Variants in SORCS2 observed in about 807,000 individuals in gnomAD.
The protein encoded by SORCS2 is sortilin related VPS10 domain containing receptor 2, also known as VPS10 domain-containing receptor SorCS2.
In SORCS2, 100 loss-of-function variants were observed where a neutral mutation model predicts 141.6. That is an observed-to-expected ratio of 0.71 (90% confidence interval 0.60 to 0.83). SORCS2 has a LOEUF of 0.83. Ranked by LOEUF, SORCS2 falls within the 40% of genes least tolerant of loss-of-function variation. SORCS2 has a pLI of 0.00. For synonymous variants in SORCS2, 789 were observed against 676.9 expected (o/e 1.17, Z -2.57); for missense variants, 1,646 against 1,560.2 (o/e 1.05, Z -0.93).
Position 7,728,370 on chromosome 4 carries a change from C to T in SORCS2, c.2890C>T (p.Leu964=), listed in dbSNP as rs760890142. ...TCCAGATCAATTTCAAGTCATGCCTCTGCAGTTTTCCAAGGAGCTGGATGC... is the reference window on the plus strand; with the variant it reads ...TCCAGATCAATTTCAAGTCATGCCTTTGCAGTTTTCCAAGGAGCTGGATGC... ...RVLDQFQVMP[L]QFSKELDAYN... is the part of the protein sequence containing the mutation. Residue 964 remains leucine (L), a synonymous_variant, in exon 22 of 27, where the codon CTG becomes TTG. Coordinates refer to ENST00000507866, the MANE Select transcript of SORCS2 (RefSeq NM_020777.3). The T allele has an allele frequency of 3.7e-6, 6 of 1,613,728 alleles. No homozygotes were observed. Among genetic ancestry groups the T allele is most frequent in the East Asian group, 2.2e-5 (1 of 44,886 alleles).
intron 1 of SORCS2, among the ~76,000 whole-genome samples, chr4:7,395,879 C>T (rs1043320744): frequency 2.0e-5 from 3 of 152,168 alleles, no homozygotes; most frequent in African/African-American, 4.8e-5. Flanking sequence ...GATCCTCTAA[C>T]GCGCTGGTGG....
intron 3 of SORCS2, among the ~76,000 whole-genome samples, chr4:7,597,254 TA>T (rs1276874309): frequency 2.9e-5 from 4 of 136,320 alleles, no homozygotes; most frequent in Non-Finnish European, 6.3e-5. Flanking sequence ...GGCTACGCAA[TA>T]GGGGGAGGGA....
At chr4:7,499,891 G>A (rs1353240978) in intron 2 of SORCS2, among the ~76,000 whole-genome samples, 1 of 152,152 alleles carries the variant, frequency 6.6e-6, no homozygotes, top group Non-Finnish European at 1.5e-5. Flanking sequence ...GAGAAGGGCC[G>A]TGAGGAGGAG....
intron 11 of SORCS2, among the ~76,000 whole-genome samples, chr4:7,694,156 GA>G (rs1402318338): frequency 6.6e-6 from 1 of 152,218 alleles, no homozygotes; most frequent in African/African-American, 2.4e-5. Flanking sequence ...GGATGGAGAG[GA>G]AGCATGTCTT....
intron 1 of SORCS2, among the ~76,000 whole-genome samples, chr4:7,285,397 A>G (rs894530253): frequency 7.9e-5 from 12 of 152,236 alleles, no homozygotes; most frequent in Non-Finnish European, 1.6e-4. Context: ...ATAAGGCCAC[A>G]TGGCAGAGTG....
Position 7,213,052 on chromosome 4 carries a change from AGCCACTGCCATTCATGTGGCAGG to A in SORCS2, c.480+19932_480+19954del, listed in dbSNP as rs1381140802. Among the ~76,000 whole-genome samples, 41 of 152,354 alleles carry A rather than the reference AGCCACTGCCATTCATGTGGCAGG, an allele frequency of 2.7e-4. 1 individual carries two copies. The South Asian group carries it at 8.5e-3, about 32-fold the overall frequency. ...TGACTTCTACTGGAAAAGGTGGCAG[AGCCACTGCCATTCATGTGGCAGG>A]GCCACACCCATCCCCTCCTTCTGCT... On this transcript the variant is annotated intron_variant, in intron 1 of 26. Coordinates refer to ENST00000507866, the MANE Select transcript of SORCS2 (RefSeq NM_020777.3).
intron 1 of SORCS2, among the ~76,000 whole-genome samples, chr4:7,380,693 A>G (rs1217002526): frequency 2.0e-5 from 3 of 152,262 alleles, no homozygotes; most frequent in East Asian, 1.9e-4. Context: ...TGTCTTCTGC[A>G]AGCTATTGCT....
At chr4:7,396,132 G>A (rs1724194085) in intron 1 of SORCS2, 156 bp from the exon 2 acceptor site, 2 of 613,488 alleles carry the variant, frequency 3.3e-6, no homozygotes, top group South Asian at 4.2e-5. Flanking sequence ...CATGTAGGGT[G>A]GCCCAGAGCC....
chr4:7,380,376 A>C (rs1003294701), intron 1 of SORCS2, among the ~76,000 whole-genome samples: 1 of 152,222 alleles, frequency 6.6e-6, no homozygotes, highest in Non-Finnish European at 1.5e-5. Flanking sequence ...GTTTCCTGCC[A>C]TGTTGGAATT....
At chr4:7,203,592 C>T (rs1225459447) in intron 1 of SORCS2, among the ~76,000 whole-genome samples, 1 of 148,596 alleles carries the variant, frequency 6.7e-6, no homozygotes, top group Non-Finnish European at 1.5e-5. Flanking sequence ...CTGGCCTGGG[C>T]GACAGAGCAA....
At chr4:7,262,844 C>T (rs1014810920) in intron 1 of SORCS2, among the ~76,000 whole-genome samples, 5 of 152,170 alleles carry the variant, frequency 3.3e-5, no homozygotes, top group African/African-American at 1.2e-4. Context: ...TAGGCTGTGT[C>T]TGGTGAAGGT....
At chr4:7,219,982 T>G (rs1373824521) in intron 1 of SORCS2, among the ~76,000 whole-genome samples, 1 of 152,202 alleles carries the variant, frequency 6.6e-6, no homozygotes, top group Non-Finnish European at 1.5e-5. Flanking sequence ...GTTTGCTGGA[T>G]TTAAGAGGCC....
At chr4:7,717,965 C>G (rs767222301) in intron 17 of SORCS2, 47 bp from the exon 18 acceptor site, 6 of 1,525,420 alleles carry the variant, frequency 3.9e-6, no homozygotes, top group Non-Finnish European at 5.3e-6. Flanking sequence ...GGCCCCATCC[C>G]TTGCCACCTG....
intron 25 of SORCS2, 47 bp downstream of exon 25, chr4:7,734,421 C>CTGGCTTCCTACGGCCCCAT: frequency 7.5e-7 from 1 of 1,336,070 alleles, no homozygotes; most frequent in Non-Finnish European, 1.0e-6. Context: ...ACCATGGGGC[C>CTGGCTTCCTACGGCCCCAT]GTAGGAAGCC....
chr4:7,277,727 G>A (rs2108853203), intron 1 of SORCS2, among the ~76,000 whole-genome samples: 1 of 152,298 alleles, frequency 6.6e-6, no homozygotes, highest in South Asian at 2.1e-4. Context: ...GTCAGCCTCT[G>A]GAGGGCCCAT....
intron 14 of SORCS2, among the ~76,000 whole-genome samples, chr4:7,712,144 G>A (rs1408763529): frequency 2.0e-5 from 3 of 152,174 alleles, no homozygotes; most frequent in Admixed American, 1.3e-4. Flanking sequence ...CCTAGGCTGC[G>A]ACGGGCCAAC....
intron 14 of SORCS2, among the ~76,000 whole-genome samples, chr4:7,706,889 G>A (rs1224418237): frequency 1.3e-5 from 2 of 152,186 alleles, no homozygotes; most frequent in African/African-American, 4.8e-5. Context: ...TTGGGCAGAC[G>A]CAACCCCTGA....
At position 7,286,044 on chromosome 4, in the gene SORCS2, G is replaced by A. The variant is rs1716200990; in HGVS notation, c.480+92918G>A. Among the ~76,000 whole-genome samples, 1 of 152,182 alleles carries A rather than the reference G, an allele frequency of 6.6e-6. No homozygotes were observed. Among genetic ancestry groups the A allele is most frequent in the Non-Finnish European group, 1.5e-5 (1 of 68,024 alleles). On this transcript the variant is annotated intron_variant, in intron 1 of 26. Transcript: ENST00000507866. The surrounding 1 kb of genome is among the most constrained non-coding windows in gnomAD (Gnocchi z 4.1). ...CCGAGAGCCAGCTGCCCCGCCGGGG[G>A]CTCCCTGCCTGCCTCCCATCCATCT...
chr4:7,330,642 A>C (rs1245470356), intron 1 of SORCS2, among the ~76,000 whole-genome samples: 2 of 152,036 alleles, frequency 1.3e-5, no homozygotes, highest in Non-Finnish European at 2.9e-5. Flanking sequence ...AGAATTTAGA[A>C]GTGAAAGTCA....
Sources: gnomAD v4.1 joint callset for allele counts (sites outside exome capture counted in the v4.1 genomes callset) on GRCh38, gnomAD v4.1.1 for gene constraint, Gnocchi (gnomAD v3.1) non-coding constraint, MANE v1.5 for transcripts, NCBI Gene and HGNC (gene_info 2026-07-23, HGNC 2026-07-21) for gene names.